Variants in CHST8 observed in about 807,000 individuals in gnomAD.
CHST8 encodes GALNAC-4-ST1.
A neutral mutation model predicts 15.0 loss-of-function variants in CHST8; 10 were observed. That is an observed-to-expected ratio of 0.67 (90% confidence interval 0.41 to 1.13). The LOEUF is 1.13. Ranked by LOEUF, CHST8 falls within the 50% of genes most tolerant of loss-of-function variation. CHST8 has a pLI of 0.00. For synonymous variants in CHST8, 259 were observed against 256.6 expected (o/e 1.01, Z -0.09); for missense variants, 634 against 608.2 (o/e 1.04, Z -0.45).
intron 3 of CHST8, among the ~76,000 whole-genome samples, chr19:33,757,557 A>G (rs1599630713): frequency 7.8e-6 from 1 of 127,876 alleles, no homozygotes; most frequent in African/African-American, 3.0e-5. Flanking sequence ...AGAAAGAAAG[A>G]AAGAAAGAAA....
chr19:33,671,003 G>A (rs1412521238), intron 2 of CHST8, among the ~76,000 whole-genome samples: 1 of 152,166 alleles, frequency 6.6e-6, no homozygotes, highest in Non-Finnish European at 1.5e-5. Context: ...CGGCATCCTG[G>A]CAGTTCCAGC....
chr19:33,636,092 T>TA (rs4012941), intron 1 of CHST8, among the ~76,000 whole-genome samples: 51,047 of 139,494 alleles, frequency 0.37, 9,246 homozygotes, highest in African/African-American at 0.46. Flanking sequence ...TTATCAAAGT[T>TA]AAAAAAAAAA....
intron 3 of CHST8, among the ~76,000 whole-genome samples, chr19:33,709,593 C>T (rs919811166): frequency 6.6e-6 from 1 of 150,846 alleles, no homozygotes; most frequent in Non-Finnish European, 1.5e-5. Flanking sequence ...TTATATGTTA[C>T]TGAATTAAGT....
At chr19:33,640,721 G>A (rs934628593) in intron 1 of CHST8, among the ~76,000 whole-genome samples, 1 of 152,156 alleles carries the variant, frequency 6.6e-6, no homozygotes, top group Non-Finnish European at 1.5e-5. Flanking sequence ...AATCTTCAGC[G>A]CACTCTCCTC....
At chr19:33,685,480 A>G (rs1972961600) in intron 2 of CHST8, among the ~76,000 whole-genome samples, 1 of 150,144 alleles carries the variant, frequency 6.7e-6, no homozygotes, top group Non-Finnish European at 1.5e-5. Context: ...GGGGCTGTTT[A>G]TTTTTCTTGC....
At chr19:33,627,408 G>A (rs996613448) in intron 1 of CHST8, among the ~76,000 whole-genome samples, 8 of 151,948 alleles carry the variant, frequency 5.3e-5, no homozygotes, top group Admixed American at 1.3e-4. Context: ...CAGCACGCCC[G>A]ACCCTTTTTC....
At chr19:33,729,698 A>G (rs1213756598) in intron 3 of CHST8, among the ~76,000 whole-genome samples, 1 of 152,208 alleles carries the variant, frequency 6.6e-6, no homozygotes, top group Non-Finnish European at 1.5e-5. Flanking sequence ...CAACAGAGAA[A>G]GAGATTTAAT....
intron 3 of CHST8, among the ~76,000 whole-genome samples, chr19:33,718,047 G>C (rs1339051746): frequency 6.6e-6 from 1 of 152,074 alleles, no homozygotes; most frequent in South Asian, 2.1e-4. Context: ...CCAGGGCTTT[G>C]ATCACTCTGT....
chr19:33,691,116 G>A lies in CHST8; in HGVS notation c.130+1725G>A, dbSNP rs529826632. Among the ~76,000 whole-genome samples, 190 of 152,310 alleles carry A rather than the reference G, an allele frequency of 1.2e-3. 1 individual carries two copies. Among genetic ancestry groups the A allele is most frequent in the Admixed American group, 3.7e-3 (57 of 15,296 alleles). On this transcript the variant is annotated intron_variant, in intron 3 of 4. Transcript: ENST00000650847. ...GCTTCAGCTAGTGCCCTGCCCTGCC[G>A]CAGCAAGAGTGCTCACTGCGCAGGT... is the stretch of plus-strand genomic sequence containing the variant.
intron 2 of CHST8, among the ~76,000 whole-genome samples, chr19:33,672,631 A>C (rs1285290153): frequency 6.6e-6 from 1 of 152,180 alleles, no homozygotes; most frequent in Non-Finnish European, 1.5e-5. Flanking sequence ...AGGGACTCTG[A>C]CTGGCCGGGC....
intron 2 of CHST8, among the ~76,000 whole-genome samples, chr19:33,670,178 GA>G (rs1291869711): frequency 1.3e-5 from 2 of 151,976 alleles, no homozygotes; most frequent in East Asian, 1.9e-4. Context: ...AGAAAGAAAA[GA>G]AAAAAACAAA....
At chr19:33,695,821 C>CTTTCTTTCTTTTTTTTT (rs57718433) in intron 3 of CHST8, among the ~76,000 whole-genome samples, 3 of 76,230 alleles carry the variant, frequency 3.9e-5, no homozygotes, top group African/African-American at 1.2e-4. Context: ...TTCTTTCTTT[C>CTTTCTTTCTTTTTTTTT]TTTTTTTTTT....
At chr19:33,730,382 T>C (rs1973973101) in intron 3 of CHST8, among the ~76,000 whole-genome samples, 1 of 152,230 alleles carries the variant, frequency 6.6e-6, no homozygotes, top group Non-Finnish European at 1.5e-5. Flanking sequence ...GTAAGGTTAA[T>C]CATAGAAGCT....
chr19:33,760,696 T>C (rs921621994), intron 3 of CHST8, among the ~76,000 whole-genome samples: 1 of 152,144 alleles, frequency 6.6e-6, no homozygotes, highest in African/African-American at 2.4e-5. Context: ...TGGAAGGCCA[T>C]GAAGCTCTGC....
chr19:33,628,713 C>G (rs886383317), intron 1 of CHST8, among the ~76,000 whole-genome samples: 5 of 152,202 alleles, frequency 3.3e-5, no homozygotes, highest in African/African-American at 1.2e-4. Context: ...ACTGGTGGAT[C>G]TCAGCACACC....
chr19:33,761,643 TA>T (rs1439839847), intron 3 of CHST8, among the ~76,000 whole-genome samples: 4 of 151,272 alleles, frequency 2.6e-5, no homozygotes, highest in African/African-American at 9.7e-5. Context: ...AATATACATA[TA>T]TATATATAGT....
At chr19:33,643,288 G>C (rs976000188) in intron 1 of CHST8, among the ~76,000 whole-genome samples, 1 of 152,120 alleles carries the variant, frequency 6.6e-6, no homozygotes, top group African/African-American at 2.4e-5. Context: ...TTAAAGAGGG[G>C]CGTGATTATT....
At chr19:33,728,018 G>C (rs1005428050) in intron 3 of CHST8, among the ~76,000 whole-genome samples, 1 of 152,260 alleles carries the variant, frequency 6.6e-6, no homozygotes, top group African/African-American at 2.4e-5. Context: ...AGCAGAGCCT[G>C]GGGGCTCCAG....
chr19:33,650,513 C>CTTTTTTTTTTTTTTTTTTT (rs1356639318), intron 1 of CHST8, among the ~76,000 whole-genome samples: 1 of 36,852 alleles, frequency 2.7e-5, no homozygotes, highest in African/African-American at 1.3e-4. Context: ...TTTTCTTTTT[C>CTTTTTTTTTTTTTTTTTTT]TTTTCTTTTT....
Sources: gnomAD v4.1 joint callset for allele counts (sites outside exome capture counted in the v4.1 genomes callset) on GRCh38, gnomAD v4.1.1 for gene constraint, MANE v1.5 for transcripts, NCBI Gene and HGNC (gene_info 2026-07-23, HGNC 2026-07-21) for gene names.